Variants in DLGAP2 observed in about 807,000 individuals in gnomAD.
The protein encoded by DLGAP2 is disks large-associated protein 2.
DLGAP2 carries 26 observed loss-of-function variants against 100.3 expected under a neutral mutation model. The observed-to-expected ratio is 0.26, with a 90% CI of 0.19 to 0.36. DLGAP2 has a LOEUF of 0.36. Among genes scored for constraint, DLGAP2 ranks in the 10% least tolerant of loss-of-function variants. The pLI, the probability that DLGAP2 is intolerant of heterozygous loss-of-function variation, is 1.00. For missense variants in DLGAP2, 1,858 were observed against 1,453.2 expected (o/e 1.28, Z -4.53); for synonymous variants, 886 against 630.1 (o/e 1.41, Z -6.08).
At chr8:1,320,761 C>A (rs1800877556) in intron 3 of DLGAP2, among the ~76,000 whole-genome samples, 1 of 152,206 alleles carries the variant, frequency 6.6e-6, no homozygotes, top group African/African-American at 2.4e-5. Context: ...TGCGGTCTTC[C>A]CCCAAGCCAT....
At chr8:1,255,800 T>C (rs572843996) in intron 2 of DLGAP2, among the ~76,000 whole-genome samples, 5 of 131,776 alleles carry the variant, frequency 3.8e-5, no homozygotes, top group South Asian at 2.8e-4. Context: ...CCTGCCTGGG[T>C]GCTATGTGTG....
At chr8:1,657,990 G>C (rs1211453425) in intron 8 of DLGAP2, among the ~76,000 whole-genome samples, 4 of 152,156 alleles carry the variant, frequency 2.6e-5, no homozygotes, top group Non-Finnish European at 5.9e-5. Context: ...TCGCCCAAAA[G>C]AAAGTCTCCC....
At chr8:1,442,584 G>T (rs1278187094) in intron 3 of DLGAP2, among the ~76,000 whole-genome samples, 3 of 148,232 alleles carry the variant, frequency 2.0e-5, no homozygotes, top group East Asian at 2.0e-4. Flanking sequence ...GCTGCTGTGG[G>T]TTCAGCCACT....
At chr8:1,112,414 G>A in intron 2 of DLGAP2, among the ~76,000 whole-genome samples, 1 of 151,850 alleles carries the variant, frequency 6.6e-6, no homozygotes, top group South Asian at 2.1e-4. Flanking sequence ...CTAATTTTTT[G>A]TATTTTTATT....
intron 2 of DLGAP2, among the ~76,000 whole-genome samples, chr8:1,052,680 GT>G (rs1379977640): frequency 6.6e-6 from 1 of 152,124 alleles, no homozygotes; most frequent in Non-Finnish European, 1.5e-5. Flanking sequence ...GGGGCAGTTT[GT>G]TTTTTCTGGT....
chr8:1,345,232 C>T (rs1005783245), intron 3 of DLGAP2, among the ~76,000 whole-genome samples: 2 of 152,228 alleles, frequency 1.3e-5, no homozygotes, highest in African/African-American at 4.8e-5. Context: ...GCTGAAGGTG[C>T]AGGCTCAGTT....
intron 4 of DLGAP2, among the ~76,000 whole-genome samples, chr8:1,543,339 T>G (rs1801426020): frequency 6.6e-6 from 1 of 152,258 alleles, no homozygotes; most frequent in African/African-American, 2.4e-5. Context: ...CTTTTCTGTC[T>G]TTAAGCCACT....
intron 2 of DLGAP2, among the ~76,000 whole-genome samples, chr8:1,214,708 G>A (rs1798177323): frequency 6.6e-6 from 1 of 152,222 alleles, no homozygotes; most frequent in African/African-American, 2.4e-5. Context: ...ACTGCACCTA[G>A]TTCTTCGCAC....
Position 1,702,153 on chromosome 8 carries a change from GGA to G in DLGAP2, c.*751_*752del. 1 of 152,188 alleles carries G rather than the reference GGA, an allele frequency of 6.6e-6. No homozygotes were observed. The highest frequency in any genetic ancestry group is 1.5e-5 in the Non-Finnish European group (1 of 68,046). The allele number at this position is 152,188 out of a possible 1,614,324, so 9.4% of individuals were successfully genotyped here. A position where few individuals can be genotyped will look rare whatever the true frequency, so the allele number is the denominator to read the frequency against. On this transcript the variant is annotated 3_prime_UTR_variant, in exon 15 of 15. Coordinates refer to ENST00000637795, the MANE Select transcript of DLGAP2 (RefSeq NM_001346810.2). ...CCCACCAGGAAGTCACGCGCAGAGA[GGA>G]GAGTCTTACGGAGGGCTGGGAGCTT...
At position 1,449,087 on chromosome 8, in the gene DLGAP2, C is replaced by T. The variant is rs141190286; in HGVS notation, c.107-52279C>T. Among the ~76,000 whole-genome samples, 610 of 152,264 alleles carry T rather than the reference C, an allele frequency of 4.0e-3. 4 individuals carry two copies. Among genetic ancestry groups the T allele is most frequent in the African/African-American group, 0.014 (565 of 41,548 alleles). On this transcript the variant is annotated intron_variant, in intron 3 of 14. Coordinates refer to ENST00000637795, the MANE Select transcript of DLGAP2 (RefSeq NM_001346810.2). ...CCCCAGAGCAGCTCTGGGAATGCCT[C>T]GTGCCTGTCATCCCGGCCTAATGAT...
intron 1 of DLGAP2, among the ~76,000 whole-genome samples, chr8:875,902 T>C (rs145333035): frequency 7.2e-4 from 110 of 152,328 alleles, no homozygotes; most frequent in African/African-American, 2.5e-3. Context: ...GAAGCATTAC[T>C]TCTATGTAGC....
intron 1 of DLGAP2, among the ~76,000 whole-genome samples, chr8:814,489 T>C (rs1334663947): frequency 6.6e-6 from 1 of 152,222 alleles, no homozygotes; most frequent in African/African-American, 2.4e-5. Context: ...TAGTAAGGGC[T>C]GGATCCTGGA....
chr8:1,476,196 G>A (rs1346554496), intron 3 of DLGAP2, among the ~76,000 whole-genome samples: 2 of 152,200 alleles, frequency 1.3e-5, no homozygotes, highest in Non-Finnish European at 2.9e-5. Context: ...TTTCATGGAT[G>A]CGTGGCTCGT....
rs147915688 is a variant in DLGAP2 at position 1,322,513 on chromosome 8, A to G, written c.106+63630A>G. On this transcript the variant is annotated intron_variant, in intron 3 of 14. Transcript: ENST00000637795. ...TGCTTCTGTGACTTCACACGTGTTG[A>G]TCTGTGGAAATGCATGCACCCACCC... Among the ~76,000 whole-genome samples, 701 of 146,222 alleles carry G rather than the reference A, an allele frequency of 4.8e-3. 3 individuals are homozygous for G. The highest frequency in any genetic ancestry group is 0.019 in the Middle Eastern group (5 of 262).
intron 3 of DLGAP2, among the ~76,000 whole-genome samples, chr8:1,449,842 GCGGAGC>G (rs1798093240): frequency 2.1e-5 from 2 of 97,290 alleles, no homozygotes; most frequent in African/African-American, 5.0e-5. Flanking sequence ...TGTGACTGTA[GCGGAGC>G]TGTGAGGGTG....
At chr8:766,211 A>G (rs988604625) in intron 1 of DLGAP2, among the ~76,000 whole-genome samples, 1 of 152,192 alleles carries the variant, frequency 6.6e-6, no homozygotes, top group Non-Finnish European at 1.5e-5. Context: ...CACAACTCAC[A>G]TACATGCAAT....
intron 2 of DLGAP2, among the ~76,000 whole-genome samples, chr8:987,581 C>T (rs1800524728): frequency 6.6e-6 from 1 of 152,148 alleles, no homozygotes; most frequent in Non-Finnish European, 1.5e-5. Flanking sequence ...GAAACTCAGC[C>T]AGCAAACAAA....
chr8:1,353,515 T>C (rs1181350437), intron 3 of DLGAP2, among the ~76,000 whole-genome samples: 1 of 152,186 alleles, frequency 6.6e-6, no homozygotes, highest in Admixed American at 6.5e-5. Context: ...ACGTTTAAGG[T>C]TGGCCAGGCT....
intron 3 of DLGAP2, among the ~76,000 whole-genome samples, chr8:1,434,841 C>T (rs985155178): frequency 7.9e-5 from 12 of 152,130 alleles, no homozygotes; most frequent in Non-Finnish European, 1.5e-5. Context: ...TCGTTCCTTC[C>T]TCCTCCCTTC....
Sources: allele counts gnomAD v4.1 joint callset (sites outside exome capture counted in the v4.1 genomes callset), GRCh38; gene constraint gnomAD v4.1.1; transcripts MANE v1.5; gene names NCBI Gene and HGNC (gene_info 2026-07-23, HGNC 2026-07-21).